The following HERC6 variants were observed in gnomAD, a reference collection of about 807,000 sequenced individuals.
HERC6 encodes probable E3 ubiquitin-protein ligase HERC6.
HERC6 carries 101 observed loss-of-function variants against 114.5 expected under a neutral mutation model. The ratio of observed to expected loss-of-function variants is 0.88; its 90% CI spans 0.75 to 1.04. HERC6 has a LOEUF of 1.04. Ranked by LOEUF, HERC6 falls within the 50% of genes least tolerant of loss-of-function variation. The pLI is 0.00. For missense variants in HERC6, 1,133 were observed against 1,230.9 expected (o/e 0.92, Z 1.19); for synonymous variants, 408 against 436.2 (o/e 0.94, Z 0.81).
chr4:88,435,861 A>T lies in HERC6; in HGVS notation c.2387A>T (p.Asp796Val), dbSNP rs1738681136. 6.2e-7 allele frequency: 1 copy of T among 1,609,528 alleles called. No individual in the cohort carries two copies. Among genetic ancestry groups the T allele is most frequent in the South Asian group, 1.1e-5 (1 of 90,036 alleles). Reference protein sequence around the residue: ...KLLDQKPSLEDLKELSPRLGK... With the variant: ...KLLDQKPSLEVLKELSPRLGK... ...CTGGACCAAAAGCCATCATTGGAAG[A>T]TTTAAAAGAACTCAGTCCTCGGTTG... Residue 796 changes from aspartate to valine, a missense_variant, in exon 18 of 23, where the codon GAT (aspartate) becomes GTT (valine). Physicochemically the swap from Asp to Val is radical, Grantham distance 152. Around this residue, in one of 3 missense-constraint regions of HERC6, gnomAD observed 388 missense variants for 445.9 expected, o/e 0.87. Transcript: ENST00000264346.
chr4:88,437,776 C>A lies in HERC6; in HGVS notation c.2550C>A (p.Thr850=). The A allele has an allele frequency of 6.2e-7, 1 of 1,601,730 alleles. No homozygotes were observed. The highest frequency in any genetic ancestry group is 1.1e-5 in the South Asian group (1 of 89,220). ...PNGISIPVDQ[T]NKRDYVSKYI... ...GGATCTCCATACCTGTGGACCAAAC[C>A]AACAAGTAAGTTTTGACAGCTAGAA... is the stretch of plus-strand genomic sequence containing the variant. Residue 850 remains threonine (T), a synonymous_variant, in exon 20 of 23, where the codon ACC becomes ACA. Coordinates refer to ENST00000264346, the MANE Select transcript of HERC6 (RefSeq NM_017912.4).
intron 22 of HERC6, among the ~76,000 whole-genome samples, chr4:88,441,463 T>C (rs1339885513): frequency 2.6e-5 from 4 of 152,130 alleles, no homozygotes; most frequent in East Asian, 1.9e-4. Context: ...CTGGTAAGTA[T>C]GGGAACCAGA....
intron 8 of HERC6, among the ~76,000 whole-genome samples, chr4:88,401,490 CAAAA>C (rs934279048): frequency 1.8e-5 from 1 of 56,732 alleles, no homozygotes. Context: ...GACTCCATCT[CAAAA>C]AAAAAAAAAA....
intron 20 of HERC6, among the ~76,000 whole-genome samples, chr4:88,438,083 G>A (rs192591181): frequency 8.4e-5 from 11 of 131,006 alleles, no homozygotes; most frequent in Admixed American, 6.4e-4. Flanking sequence ...CCGGGATTGC[G>A]CAACTGCACT....
At chr4:88,404,291 C>G (rs1735700543) in intron 8 of HERC6, among the ~76,000 whole-genome samples, 1 of 151,520 alleles carries the variant, frequency 6.6e-6, no homozygotes, top group Non-Finnish European at 1.5e-5. Flanking sequence ...CTCCCAGGCT[C>G]AAGCCCCTGC....
chr4:88,388,661 G>A (rs1176948338), intron 3 of HERC6, among the ~76,000 whole-genome samples: 2 of 152,170 alleles, frequency 1.3e-5, no homozygotes. Flanking sequence ...ATGGGGTAGA[G>A]AAGCTTATAT....
At chr4:88,430,079 G>A (rs1213318547) in intron 16 of HERC6, among the ~76,000 whole-genome samples, 1 of 152,166 alleles carries the variant, frequency 6.6e-6, no homozygotes, top group Non-Finnish European at 1.5e-5. Context: ...CCTTAAACAT[G>A]ATGGTCTATT....
intron 15 of HERC6, among the ~76,000 whole-genome samples, chr4:88,427,923 G>A (rs1009200702): frequency 9.2e-5 from 14 of 152,228 alleles, no homozygotes; most frequent in African/African-American, 3.4e-4. Flanking sequence ...CAAGATCAGA[G>A]ATTAAAATAG....
At chr4:88,430,594 A>AAAT (rs998499316) in intron 16 of HERC6, among the ~76,000 whole-genome samples, 3 of 150,656 alleles carry the variant, frequency 2.0e-5, no homozygotes, top group African/African-American at 4.9e-5. Flanking sequence ...ATAAATAAAT[A>AAAT]AATAAATAAA....
chr4:88,430,522 A>G (rs1313279300), intron 16 of HERC6, among the ~76,000 whole-genome samples: 2 of 151,944 alleles, frequency 1.3e-5, no homozygotes, highest in Non-Finnish European at 2.9e-5. Context: ...GTAAGCTGAG[A>G]TCGTGCCATT....
chr4:88,390,973 G>A (rs1734891512), intron 4 of HERC6, 94 bp downstream of exon 4: 1 of 1,031,492 alleles, frequency 9.7e-7, no homozygotes, highest in African/African-American at 1.6e-5. Context: ...TTAAAACAGT[G>A]GTTCCCAAAC....
intron 20 of HERC6, 98 bp downstream of exon 20, chr4:88,437,879 C>T (rs1362782146): frequency 1.1e-6 from 1 of 916,214 alleles, no homozygotes; most frequent in African/African-American, 1.7e-5. Flanking sequence ...TGGTTCACAC[C>T]TGTAATCCCA....
rs769114268 is a variant in HERC6 at position 88,423,919 on chromosome 4, C to G, written c.1773C>G (p.Asn591Lys). The stretch of plus-strand genomic sequence containing the variant: ...CTTTCAACATAAATGAACTCTCCAA[C>G]TTATTAAACTTTTATATAGATAGAG... The part of the protein sequence containing the change: ...ENTFNINELS[N>K]LLNFYIDRGR... The change falls in exon 14 of 23, where the codon AAC becomes AAG. Residue 591 changes from asparagine to lysine, a missense_variant. Asn to Lys is a moderately conservative substitution (Grantham distance 94). Around this residue, in one of 3 missense-constraint regions of HERC6, gnomAD observed 735 missense variants for 754.0 expected, o/e 0.97. Coordinates refer to ENST00000264346, the MANE Select transcript of HERC6 (RefSeq NM_017912.4). 7 of 1,576,784 alleles carry G rather than the reference C, an allele frequency of 4.4e-6. No individual in the cohort carries two copies. The highest frequency in any genetic ancestry group is 6.0e-6 in the Non-Finnish European group (7 of 1,163,660).
intron 2 of HERC6, among the ~76,000 whole-genome samples, chr4:88,383,763 CAAAAAAAAAAAAA>C (rs753643806): frequency 2.1e-4 from 6 of 28,740 alleles, no homozygotes; most frequent in Non-Finnish European, 3.6e-4. Context: ...GACTCAGTCT[CAAAAAAAAAAAAA>C]AAAAAAAAAA....
chr4:88,436,825 A>T, intron 18 of HERC6, 80 bp from the exon 19 acceptor site: 1 of 954,364 alleles, frequency 1.0e-6, no homozygotes. Context: ...TATATTGTTC[A>T]CAACTTTTTC....
At chr4:88,420,537 T>C (rs963097606) in intron 13 of HERC6, among the ~76,000 whole-genome samples, 6 of 152,194 alleles carry the variant, frequency 3.9e-5, no homozygotes, top group Non-Finnish European at 5.9e-5. Flanking sequence ...TAATATGTTA[T>C]AGTGTTCTAT....
In HERC6 at chr4:88,385,568, A is replaced by T; in HGVS notation, c.429A>T (p.Leu143Phe). The change falls in exon 3 of 23, where the codon TTA becomes TTT. Residue 143 changes from leucine (L) to phenylalanine (F), a missense_variant. Leu to Phe is a conservative substitution (Grantham distance 22). Around this residue, in one of 3 missense-constraint regions of HERC6, gnomAD observed 735 missense variants for 754.0 expected, o/e 0.97. Transcript: ENST00000264346. ...VSCGHYHSLA[L>F]SKDSQVFSWG... ...GTGGACACTACCACTCCCTGGCATT[A>T]TCAAAAGGTAAGAAACACTTTTTGG... is the stretch of plus-strand genomic sequence containing the variant. 6.7e-7 allele frequency: 1 copy of T among 1,492,536 alleles called. No homozygotes were observed. Among genetic ancestry groups the T allele is most frequent in the South Asian group, 1.3e-5 (1 of 77,006 alleles). 92.5% of individuals were successfully genotyped at this position (1,492,536 alleles called of 1,614,324 possible).
chr4:88,424,518 AGGCG>A, intron 14 of HERC6, 73 bp from the exon 15 acceptor site: 1 of 1,064,644 alleles, frequency 9.4e-7, no homozygotes, highest in Non-Finnish European at 1.4e-6. Context: ...TCCAAAAAAA[AGGCG>A]ATAAGGTAAA....
rs752884488 is a variant in HERC6 at position 88,424,692 on chromosome 4, T to C, written c.1925T>C (p.Ile642Thr). 19 of 1,591,394 alleles carry C rather than the reference T, an allele frequency of 1.2e-5. No homozygotes were observed. Among genetic ancestry groups the C allele is most frequent in the African/African-American group, 8.1e-5 (6 of 74,296 alleles). The change falls in exon 15 of 23, where the codon ATA (isoleucine) becomes ACA (threonine). Residue 642 changes from isoleucine (I) to threonine (T), a missense_variant. Physicochemically the swap from Ile to Thr is moderately conservative, Grantham distance 89. This residue lies in a region of HERC6 where 10 missense variants were observed against 31.1 expected (regional missense o/e 0.32). Coordinates refer to ENST00000264346, the MANE Select transcript of HERC6 (RefSeq NM_017912.4). ...KIKLLQADSH[I>T]KMQMSEKKAY... is the part of the protein sequence containing the mutation. ...AAATTATTGCAAGCTGATTCACATA[T>C]AAAGATGCAGGTATGTATGTCCTAT...
Sources: allele counts gnomAD v4.1 joint callset (sites outside exome capture counted in the v4.1 genomes callset), GRCh38; gene constraint gnomAD v4.1.1; regional missense constraint gnomAD v4.1.1; transcripts MANE v1.5; gene names NCBI Gene and HGNC (gene_info 2026-07-23, HGNC 2026-07-21).